SPOCK1: variants seen among roughly 807,000 people sequenced by gnomAD.
SPOCK1 encodes testican-1.
Under a neutral mutation model 55.3 loss-of-function variants are expected in SPOCK1, and 23 were observed. The observed-to-expected ratio is 0.42, with a 90% CI of 0.30 to 0.59. The LOEUF (loss-of-function observed/expected upper bound fraction) is 0.59. Ranked by LOEUF, SPOCK1 falls within the 20% of genes least tolerant of loss-of-function variation. The pLI is 0.22. For missense variants in SPOCK1, 499 were observed against 552.5 expected (o/e 0.90, Z 0.97); for synonymous variants, 226 against 221.0 (o/e 1.02, Z -0.20).
intron 2 of SPOCK1, among the ~76,000 whole-genome samples, chr5:137,278,993 A>AT (rs1311970253): frequency 6.6e-6 from 1 of 152,048 alleles, no homozygotes; most frequent in Non-Finnish European, 1.5e-5. Context: ...GGTCCCGCTT[A>AT]TTTAGGGCCT....
chr5:137,244,653 CCAA>C (rs1374842563), intron 3 of SPOCK1, among the ~76,000 whole-genome samples: 1 of 152,194 alleles, frequency 6.6e-6, no homozygotes, highest in Non-Finnish European at 1.5e-5. Context: ...TTGACACTGA[CCAA>C]CAAGATTTTG....
intron 3 of SPOCK1, among the ~76,000 whole-genome samples, chr5:137,193,615 T>A (rs1755232505): frequency 6.6e-6 from 1 of 152,162 alleles, no homozygotes. Context: ...GGTGTCCGCC[T>A]CTGATGAAAT....
chr5:137,452,932 G>T (rs1339443249), intron 2 of SPOCK1, among the ~76,000 whole-genome samples: 1 of 152,124 alleles, frequency 6.6e-6, no homozygotes, highest in African/African-American at 2.4e-5. Flanking sequence ...GCACTCTCTT[G>T]TTTCCTAAGA....
chr5:137,208,228 C>T (rs1225605092), intron 3 of SPOCK1, among the ~76,000 whole-genome samples: 1 of 152,138 alleles, frequency 6.6e-6, no homozygotes, highest in African/African-American at 2.4e-5. Context: ...ACAGGATTCT[C>T]TTTGTTGGAT....
At chr5:137,123,562 A>G (rs1753724816) in intron 4 of SPOCK1, among the ~76,000 whole-genome samples, 1 of 152,148 alleles carries the variant, frequency 6.6e-6, no homozygotes, top group Non-Finnish European at 1.5e-5. Flanking sequence ...AATGTGTCCC[A>G]ATGCTATTCC....
At chr5:137,044,034 T>C (rs1752054262) in intron 6 of SPOCK1, among the ~76,000 whole-genome samples, 1 of 152,160 alleles carries the variant, frequency 6.6e-6, no homozygotes, top group Non-Finnish European at 1.5e-5. Context: ...ATCTAAAAAT[T>C]TTCTAAAATA....
At chr5:137,020,463 G>T (rs978540728) in intron 6 of SPOCK1, among the ~76,000 whole-genome samples, 1 of 146,676 alleles carries the variant, frequency 6.8e-6, no homozygotes, top group African/African-American at 2.6e-5. Context: ...TAATATAAAA[G>T]ATATTCAGAA....
At chr5:137,252,636 A>T (rs1245600060) in intron 3 of SPOCK1, among the ~76,000 whole-genome samples, 3 of 152,244 alleles carry the variant, frequency 2.0e-5, no homozygotes, top group Non-Finnish European at 4.4e-5. Context: ...CACTAGGCAC[A>T]TAGTTTCCAA....
At chr5:137,128,003 A>G (rs1302531959) in intron 4 of SPOCK1, among the ~76,000 whole-genome samples, 1 of 152,210 alleles carries the variant, frequency 6.6e-6, no homozygotes, top group Non-Finnish European at 1.5e-5. Flanking sequence ...TGTCTCCCCA[A>G]AATTACTATG....
At chr5:137,458,153 C>T (rs561642726) in intron 2 of SPOCK1, among the ~76,000 whole-genome samples, 1 of 152,252 alleles carries the variant, frequency 6.6e-6, no homozygotes, top group African/African-American at 2.4e-5. Flanking sequence ...GAGAGACGAC[C>T]TGGTGAAGAA....
At chr5:137,193,833 G>T (rs1255983247) in intron 3 of SPOCK1, among the ~76,000 whole-genome samples, 2 of 152,194 alleles carry the variant, frequency 1.3e-5, no homozygotes, top group African/African-American at 4.8e-5. Context: ...CTGCCCCAGA[G>T]AAGTTACATT....
At chr5:137,279,233 C>T (rs572109752) in intron 2 of SPOCK1, among the ~76,000 whole-genome samples, 5 of 152,282 alleles carry the variant, frequency 3.3e-5, no homozygotes, top group South Asian at 4.1e-4. Context: ...AGGACACCAG[C>T]GAAGACTAAC....
chr5:137,151,036 TC>T (rs1484231807), intron 3 of SPOCK1, among the ~76,000 whole-genome samples: 3 of 152,214 alleles, frequency 2.0e-5, no homozygotes, highest in African/African-American at 7.2e-5. Context: ...TCCAATCTAA[TC>T]CTTGCTTCTC....
intron 6 of SPOCK1, among the ~76,000 whole-genome samples, chr5:137,024,024 G>C (rs951591623): frequency 6.9e-6 from 1 of 144,990 alleles, no homozygotes; most frequent in Non-Finnish European, 1.5e-5. Flanking sequence ...GAAGTCTGCA[G>C]AAGATCTTCT....
chr5:137,319,995 T>G (rs1438123201), intron 2 of SPOCK1, among the ~76,000 whole-genome samples: 1 of 150,256 alleles, frequency 6.7e-6, no homozygotes, highest in East Asian at 1.9e-4. Flanking sequence ...CCAAAAAGCC[T>G]TTATGAGAAC....
At chr5:137,111,763 G>T (rs1436960465) in intron 5 of SPOCK1, among the ~76,000 whole-genome samples, 1 of 152,032 alleles carries the variant, frequency 6.6e-6, no homozygotes, top group Non-Finnish European at 1.5e-5. Flanking sequence ...TCTAGAAGAG[G>T]CTTTTCCTCA....
intron 6 of SPOCK1, among the ~76,000 whole-genome samples, chr5:137,016,813 A>G (rs1746824767): frequency 6.6e-6 from 1 of 152,262 alleles, no homozygotes; most frequent in Non-Finnish European, 1.5e-5. Flanking sequence ...AATCAAAAAC[A>G]GCAGCCTACT....
At chr5:137,079,102 C>T (rs923431426) in intron 5 of SPOCK1, among the ~76,000 whole-genome samples, 4 of 152,204 alleles carry the variant, frequency 2.6e-5, no homozygotes, top group Non-Finnish European at 5.9e-5. Context: ...TCTACAGCTC[C>T]CCCAGGAGCC....
intron 3 of SPOCK1, among the ~76,000 whole-genome samples, chr5:137,217,643 C>G (rs1755743755): frequency 6.6e-6 from 1 of 152,210 alleles, no homozygotes; most frequent in Non-Finnish European, 1.5e-5. Flanking sequence ...AAGTCAGCCA[C>G]TGTTACTGAA....
Sources: gnomAD v4.1 joint callset for allele counts (sites outside exome capture counted in the v4.1 genomes callset) on GRCh38, gnomAD v4.1.1 for gene constraint, MANE v1.5 for transcripts, NCBI Gene and HGNC (gene_info 2026-07-23, HGNC 2026-07-21) for gene names.